Variants in LAMA2 observed in about 807,000 individuals in gnomAD.
LAMA2 encodes laminin subunit alpha 2.
LAMA2 carries 269 observed loss-of-function variants against 364.8 expected under a neutral mutation model. The ratio of observed to expected loss-of-function variants is 0.74; its 90% CI spans 0.67 to 0.82. The LOEUF (loss-of-function observed/expected upper bound fraction) is 0.82. LAMA2 is among the 40% of genes least tolerant of loss of function. The pLI is 0.00. For missense variants in LAMA2, 3,807 were observed against 3,873.2 expected (o/e 0.98, Z 0.45); for synonymous variants, 1,379 against 1,370.6 (o/e 1.01, Z -0.14).
At chr6:129,320,430 C>G in intron 27 of LAMA2, 108 bp from the exon 28 acceptor site, 1 of 778,010 alleles carries the variant, frequency 1.3e-6, no homozygotes, top group Non-Finnish European at 2.3e-6. Flanking sequence ...ATAGAACATA[C>G]TTGAGGTTGA....
At chr6:129,008,897 A>T (rs2114690712) in intron 1 of LAMA2, among the ~76,000 whole-genome samples, 1 of 152,342 alleles carries the variant, frequency 6.6e-6, no homozygotes, top group Non-Finnish European at 1.5e-5. Context: ...TACATATTGT[A>T]CCCAGGATGT....
intron 12 of LAMA2, among the ~76,000 whole-genome samples, chr6:129,226,182 C>G (rs265341): frequency 0.93 from 141,850 of 152,192 alleles, 66,411 homozygotes; most frequent in Non-Finnish European, 0.97. Flanking sequence ...TTTTCTATTT[C>G]CTTGGTAGAT....
rs888448123 is a variant in LAMA2 at position 129,293,001 on chromosome 6, C to T, written c.2856+1281C>T. On this transcript the variant is annotated intron_variant, in intron 20 of 64. Transcript: ENST00000421865. ...GAGAGCGCAACGGGTGCTGGGTTCTCCTCAGAGGTGGGCTATCGGCAGCTC... is the reference window on the plus strand; with the variant it reads ...GAGAGCGCAACGGGTGCTGGGTTCTTCTCAGAGGTGGGCTATCGGCAGCTC... 6.1e-6 allele frequency: 6 copies of T among 985,774 alleles called. No individual in the cohort carries two copies. The African/African-American group carries it at 1.0e-4, about 17-fold the overall frequency. The allele number at this position is 985,774 out of a possible 1,614,324, so 61.1% of individuals were successfully genotyped here.
At chr6:129,186,615 A>C (rs1409470621) in intron 10 of LAMA2, among the ~76,000 whole-genome samples, 1 of 151,688 alleles carries the variant, frequency 6.6e-6, no homozygotes, top group Non-Finnish European at 1.5e-5. Context: ...AAATCTTGGG[A>C]TACATCTTTT....
intron 42 of LAMA2, among the ~76,000 whole-genome samples, chr6:129,440,231 T>C (rs565856289): frequency 6.6e-6 from 1 of 152,256 alleles, no homozygotes; most frequent in South Asian, 2.1e-4. Flanking sequence ...CACATATTTA[T>C]ACAACACAGT....
intron 9 of LAMA2, among the ~76,000 whole-genome samples, chr6:129,174,332 A>G (rs991445952): frequency 2.6e-5 from 4 of 152,090 alleles, no homozygotes; most frequent in Non-Finnish European, 4.4e-5. Flanking sequence ...ACTCATCTAC[A>G]TTTAATATTA....
chr6:128,889,415 T>G (rs1776321072), intron 1 of LAMA2, among the ~76,000 whole-genome samples: 1 of 152,200 alleles, frequency 6.6e-6, no homozygotes, highest in Admixed American at 6.5e-5. Context: ...TTTTTGTTAC[T>G]GTTTTAAGAA....
At chr6:129,123,239 G>A (rs1236849019) in intron 4 of LAMA2, among the ~76,000 whole-genome samples, 1 of 151,730 alleles carries the variant, frequency 6.6e-6, no homozygotes, top group African/African-American at 2.4e-5. Context: ...CGGGCAGGCA[G>A]AGGTTGCAGT....
chr6:129,038,421 A>C (rs970856498), intron 1 of LAMA2, among the ~76,000 whole-genome samples: 2 of 152,186 alleles, frequency 1.3e-5, no homozygotes, highest in Non-Finnish European at 2.9e-5. Flanking sequence ...GGAACCACCA[A>C]TACTATTTTA....
Position 129,139,785 on chromosome 6 carries a change from G to A in LAMA2, c.640-4116G>A, listed in dbSNP as rs141325509. Among the ~76,000 whole-genome samples, 379 of 152,150 alleles carry A rather than the reference G, an allele frequency of 2.5e-3. 1 individual carries two copies. The highest frequency in any genetic ancestry group is 8.4e-3 in the African/African-American group (348 of 41,538). On this transcript the variant is annotated intron_variant, in intron 4 of 64. Coordinates refer to ENST00000421865, the MANE Select transcript of LAMA2 (RefSeq NM_000426.4). Reference sequence around the variant, plus strand: ...ACATAAAAATTCTTTGTCCATATCTGTACATCCTTAATCTCAAGCTACACA... The same window carrying A: ...ACATAAAAATTCTTTGTCCATATCTATACATCCTTAATCTCAAGCTACACA...
chr6:129,153,503 C>T (rs898330352), intron 7 of LAMA2, among the ~76,000 whole-genome samples: 25 of 152,284 alleles, frequency 1.6e-4, no homozygotes, highest in Middle Eastern at 3.4e-3. Context: ...TTTCATTCAC[C>T]GGGTAGGATG....
intron 15 of LAMA2, among the ~76,000 whole-genome samples, chr6:129,264,007 G>C (rs192676855): frequency 6.6e-6 from 1 of 152,130 alleles, no homozygotes; most frequent in Middle Eastern, 3.2e-3. Context: ...GCCTCCCAAA[G>C]TTCTGGGGTT....
At chr6:129,456,073 A>G (rs145864121) in intron 47 of LAMA2, among the ~76,000 whole-genome samples, 5 of 152,302 alleles carry the variant, frequency 3.3e-5, no homozygotes, top group Non-Finnish European at 5.9e-5. Flanking sequence ...TTTCATGTCA[A>G]TGAACACACA....
intron 3 of LAMA2, among the ~76,000 whole-genome samples, chr6:129,060,558 A>T (rs1304937883): frequency 1.3e-5 from 2 of 152,190 alleles, no homozygotes; most frequent in Non-Finnish European, 2.9e-5. Flanking sequence ...TGCAATTAGG[A>T]TGGAAAGTGG....
chr6:129,172,656 G>A (rs1056135648), intron 9 of LAMA2, among the ~76,000 whole-genome samples: 5 of 152,242 alleles, frequency 3.3e-5, no homozygotes, highest in African/African-American at 1.2e-4. Flanking sequence ...CAGAGGTGGA[G>A]CCTACAGAGG....
rs1442906742 is a variant in LAMA2, at chr6:129,076,523, A to C, written c.396+16627A>C. On this transcript the variant is annotated intron_variant, in intron 3 of 64. Transcript: ENST00000421865. ...TAAATATATATATATAATATATATA[A>C]AATTAGAGAATCTTTAATAAGAGGT... is the stretch of plus-strand genomic sequence containing the variant. 2.8e-5 allele frequency among the ~76,000 whole-genome samples: 4 copies of C among 144,188 alleles called. No individual in the cohort carries two copies. The East Asian group carries it at 7.9e-4, about 28-fold the overall frequency. 94.6% of individuals were successfully genotyped at this position (144,188 alleles called of 152,430 possible). A position where few individuals can be genotyped will look rare whatever the true frequency, so the allele number is the denominator to read the frequency against.
intron 1 of LAMA2, among the ~76,000 whole-genome samples, chr6:128,939,643 A>G (rs1444256281): frequency 6.6e-6 from 1 of 152,182 alleles, no homozygotes; most frequent in Non-Finnish European, 1.5e-5. Flanking sequence ...AGGTAAGCAG[A>G]GTCCAAAATG....
At chr6:128,933,840 A>T (rs973340200) in intron 1 of LAMA2, among the ~76,000 whole-genome samples, 2 of 152,028 alleles carry the variant, frequency 1.3e-5, no homozygotes, top group African/African-American at 4.8e-5. Flanking sequence ...TTGAATATTA[A>T]CTCCTGATCA....
intron 63 of LAMA2, 32 bp from the exon 64 acceptor site, chr6:129,514,341 C>T: frequency 6.9e-7 from 1 of 1,447,204 alleles, no homozygotes; most frequent in Non-Finnish European, 9.7e-7. Flanking sequence ...TTAATGAAAC[C>T]ATCTGTGACT....
Sources: allele counts gnomAD v4.1 joint callset (sites outside exome capture counted in the v4.1 genomes callset), GRCh38; gene constraint gnomAD v4.1.1; transcripts MANE v1.5; gene names NCBI Gene and HGNC (gene_info 2026-07-23, HGNC 2026-07-21).